CDKL2: variants seen among roughly 807,000 people sequenced by gnomAD.
CDKL2 encodes the protein cyclin-dependent kinase-like 2.
A neutral mutation model predicts 63.9 loss-of-function variants in CDKL2; 64 were observed. That is an observed-to-expected ratio of 1.00 (90% CI 0.82 to 1.23). The LOEUF is 1.23. Among genes scored for constraint, CDKL2 ranks in the 50% most tolerant of loss-of-function variants. The probability of loss-of-function intolerance (pLI) is 0.00; values close to 1 mark genes in which losing one functional copy is unlikely to be tolerated. For synonymous variants in CDKL2, 211 were observed against 229.2 expected, an observed-to-expected ratio of 0.92 and a Z score of 0.72; for missense variants, 656 against 668.0, an observed-to-expected ratio of 0.98 and a Z score of 0.20.
intron 3 of CDKL2, among the ~76,000 whole-genome samples, chr4:75,610,879 G>A (rs960042136): frequency 3.9e-5 from 6 of 151,986 alleles, no homozygotes; most frequent in African/African-American, 7.3e-5. Flanking sequence ...AGCCACTACC[G>A]TTATTATCTG....
chr4:75,617,571 G>A (rs986824442), intron 2 of CDKL2, among the ~76,000 whole-genome samples: 2 of 152,026 alleles, frequency 1.3e-5, no homozygotes, highest in Admixed American at 1.3e-4. Context: ...TATCCTAATG[G>A]AACTATAAAT....
chr4:75,611,373 C>T (rs1389918697), intron 3 of CDKL2, among the ~76,000 whole-genome samples: 4 of 149,728 alleles, frequency 2.7e-5, no homozygotes, highest in African/African-American at 4.9e-5. Context: ...GCAGGAGAAC[C>T]GCTTGAACCC....
intron 2 of CDKL2, among the ~76,000 whole-genome samples, chr4:75,616,938 A>G (rs1729953804): frequency 6.6e-6 from 1 of 152,128 alleles, no homozygotes; most frequent in Admixed American, 6.5e-5. Context: ...GGAACAACAC[A>G]CACTGGGGCC....
chr4:75,625,371 G>A (rs926559455), intron 2 of CDKL2, among the ~76,000 whole-genome samples: 2 of 152,000 alleles, frequency 1.3e-5, no homozygotes, highest in Non-Finnish European at 2.9e-5. Flanking sequence ...AAAAATATAA[G>A]AGAAATGAGA....
chr4:75,600,414 C>T lies in CDKL2; in HGVS notation c.796-45G>A, dbSNP rs777017373. 2.5e-6 allele frequency: 3 copies of T among 1,193,518 alleles called. No homozygotes were observed. The East Asian group carries it at 7.2e-5, about 28-fold the overall frequency. The allele number at this position is 1,193,518 out of a possible 1,614,324, so 73.9% of individuals were successfully genotyped here. A position where few individuals can be genotyped will look rare whatever the true frequency, so the allele number is the denominator to read the frequency against. On this transcript the variant is annotated intron_variant, in intron 6 of 13. Transcript: ENST00000307465. ...TAGAGTTCATATCAAGAAAAACTAC[C>T]TACATTTAAATTTATAAATATAGAA...
rs201622412 is a variant in CDKL2, at chr4:75,607,211, G to A, written c.514C>T (p.Leu172=). 3.1e-6 allele frequency: 5 copies of A among 1,612,026 alleles called. No homozygotes were observed. The African/African-American group carries it at 5.3e-5, about 17-fold the overall frequency. ...VATRWYRAPE[L]LVGDVKYGKA... is the part of the protein sequence containing the mutation. ...CCATACTTGACATCACCAACCAATA[G>A]TTCTGGAGCTCTGTACCATCGGGTT... Residue 172 remains leucine, a synonymous_variant, in exon 4 of 14, where the codon CTA becomes TTA. Transcript: ENST00000307465.
intron 5 of CDKL2, among the ~76,000 whole-genome samples, chr4:75,604,856 C>A (rs926162871): frequency 2.6e-5 from 4 of 152,208 alleles, no homozygotes; most frequent in Non-Finnish European, 4.4e-5. Flanking sequence ...TGCACCAGGG[C>A]GGGCCACAGT....
intron 6 of CDKL2, among the ~76,000 whole-genome samples, chr4:75,602,731 C>T (rs1301640273): frequency 6.6e-6 from 1 of 151,694 alleles, no homozygotes; most frequent in Non-Finnish European, 1.5e-5. Context: ...GCCATGTTGG[C>T]CAGGCTGGTC....
chr4:75,604,036 G>C (rs1729319031), intron 5 of CDKL2, 80 bp from the exon 6 acceptor site: 2 of 1,317,540 alleles, frequency 1.5e-6, no homozygotes, highest in African/African-American at 2.9e-5. Context: ...GTGAAGTAGA[G>C]GAAATAGTGG....
Position 75,620,602 on chromosome 4 carries a change from A to G in CDKL2, c.168+5219T>C, listed in dbSNP as rs529658744. On this transcript the variant is annotated intron_variant, in intron 2 of 13. Transcript: ENST00000307465. ...GGAGGAACGAAAAAGATAATATAGT[A>G]AAAAATACCTGGGCTAGGAAGACAG... Among the ~76,000 whole-genome samples, 8 of 152,342 alleles carry G rather than the reference A, an allele frequency of 5.3e-5. No homozygotes were observed. In the East Asian group the frequency reaches 1.5e-3, roughly 29 times the overall value.
intron 12 of CDKL2, among the ~76,000 whole-genome samples, chr4:75,584,454 A>G (rs1001389698): frequency 6.6e-6 from 1 of 152,210 alleles, no homozygotes. Context: ...CCTCCAGAAA[A>G]TAATGCAGCC....
intron 10 of CDKL2, among the ~76,000 whole-genome samples, chr4:75,593,698 C>G (rs1408824174): frequency 6.6e-6 from 1 of 152,042 alleles, no homozygotes; most frequent in Non-Finnish European, 1.5e-5. Context: ...TTTTAAAACA[C>G]AAATATCCAC....
At chr4:75,608,589 C>A (rs537998565) in intron 3 of CDKL2, among the ~76,000 whole-genome samples, 1 of 151,996 alleles carries the variant, frequency 6.6e-6, no homozygotes, top group Non-Finnish European at 1.5e-5. Context: ...GAGAGAAAGA[C>A]GAGAGGCAGG....
At chr4:75,612,360 T>C (rs1037806105) in intron 3 of CDKL2, among the ~76,000 whole-genome samples, 11 of 152,150 alleles carry the variant, frequency 7.2e-5, no homozygotes, top group Admixed American at 6.6e-5. Flanking sequence ...CATCTAAAGG[T>C]AGAATGTGTT....
chr4:75,580,112 A>T (rs1451499987), intron 13 of CDKL2, among the ~76,000 whole-genome samples: 1 of 152,110 alleles, frequency 6.6e-6, no homozygotes, highest in African/African-American at 2.4e-5. Context: ...TCTCTACTAA[A>T]TATACAAAAA....
At chr4:75,622,778 C>A (rs1327140295) in intron 2 of CDKL2, among the ~76,000 whole-genome samples, 2 of 110,944 alleles carry the variant, frequency 1.8e-5, no homozygotes, top group South Asian at 6.2e-4. Flanking sequence ...AAGGATTATA[C>A]AATGTTCATG....
rs757037528 is a variant in CDKL2 at position 75,607,256 on chromosome 4, C to T, written c.469G>A (p.Val157Ile). Residue 157 changes from valine (V) to isoleucine (I), a missense_variant, in exon 4 of 14, where the codon GTT becomes ATT. Coordinates refer to ENST00000307465, the MANE Select transcript of CDKL2 (RefSeq NM_001330724.2). ...CGGGTTGCCACATAATCAGTATAAA[C>T]CTCCCCAGGAGCTGCCAATGTTCGC... ...FARTLAAPGE[V>I]YTDYVATRWY... is the part of the protein sequence containing the mutation. 1.9e-6 allele frequency: 3 copies of T among 1,614,132 alleles called. No homozygotes were observed. In the South Asian group the frequency reaches 3.3e-5, roughly 18 times the overall value.
intron 9 of CDKL2, 149 bp downstream of exon 9, chr4:75,596,786 G>T: frequency 3.0e-6 from 2 of 676,422 alleles, no homozygotes; most frequent in Non-Finnish European, 4.9e-6. Flanking sequence ...TCATCACACA[G>T]CCAAAAAGTC....
rs1728057364 is a variant in CDKL2, at chr4:75,577,116, T to G, written c.*2086A>C. On this transcript the variant is annotated 3_prime_UTR_variant, in exon 14 of 14. Coordinates refer to ENST00000307465, the MANE Select transcript of CDKL2 (RefSeq NM_001330724.2). ...AATTTAAACCATCTATGGAGCCCAG[T>G]AAGATAATATTTATTAATTTTAAAA... is the stretch of plus-strand genomic sequence containing the variant. Among the ~76,000 whole-genome samples the G allele has an allele frequency of 6.6e-6, 1 of 152,176 alleles. No individual in the cohort carries two copies. The highest frequency in any genetic ancestry group is 1.5e-5 in the Non-Finnish European group (1 of 68,024).
Sources: allele counts gnomAD v4.1 joint callset (sites outside exome capture counted in the v4.1 genomes callset), GRCh38; gene constraint gnomAD v4.1.1; transcripts MANE v1.5; gene names NCBI Gene and HGNC (gene_info 2026-07-23, HGNC 2026-07-21).